CTNNA2: variants seen among roughly 807,000 people sequenced by gnomAD.
CTNNA2 encodes the protein catenin alpha 2.
Under a neutral mutation model 101.0 loss-of-function variants are expected in CTNNA2, and 42 were observed. The observed-to-expected ratio is 0.42, with a 90% CI of 0.32 to 0.54. The LOEUF is 0.54. Among genes scored for constraint, CTNNA2 ranks in the 20% least tolerant of loss-of-function variants. The probability of loss-of-function intolerance (pLI) is 0.14; values close to 1 mark genes in which losing one functional copy is unlikely to be tolerated. For missense variants in CTNNA2, 871 were observed against 1,223.1 expected, an observed-to-expected ratio of 0.71 and a Z score of 4.29; for synonymous variants, 450 against 456.4, an observed-to-expected ratio of 0.99 and a Z score of 0.18.
chr2:79,201,884 A>T (rs1278220758), intron 2 of CTNNA2, among the ~76,000 whole-genome samples: 1 of 152,166 alleles, frequency 6.6e-6, no homozygotes, highest in African/African-American at 2.4e-5. Context: ...ATCCTGAGAC[A>T]TGTACCCAAG....
intron 3 of CTNNA2, among the ~76,000 whole-genome samples, chr2:79,747,825 A>G (rs1283596230): frequency 6.6e-6 from 1 of 152,186 alleles, no homozygotes; most frequent in Non-Finnish European, 1.5e-5. Context: ...CTTCTTACAA[A>G]ACAATTCTAT....
intron 7 of CTNNA2, among the ~76,000 whole-genome samples, chr2:80,126,459 T>TTCTC (rs61295855): frequency 1.1e-4 from 17 of 148,144 alleles, no homozygotes; most frequent in African/African-American, 3.9e-4. Context: ...ACTCCTACCA[T>TTCTC]TCTCTCTCTC....
At chr2:80,038,763 T>C (rs996487162) in intron 7 of CTNNA2, among the ~76,000 whole-genome samples, 5 of 152,156 alleles carry the variant, frequency 3.3e-5, no homozygotes, top group Non-Finnish European at 7.4e-5. Context: ...CAAGAATTGC[T>C]TGAACCCAGG....
intron 7 of CTNNA2, chr2:80,028,038 A>G (rs1018104117): frequency 1.3e-5 from 2 of 151,914 alleles, no homozygotes; most frequent in African/African-American, 4.8e-5. Flanking sequence ...TTATTTAGTA[A>G]CTTCATGTAA....
intron 2 of CTNNA2, chr2:79,687,802 A>C (rs77820778): frequency 0.02 from 9,588 of 468,584 alleles, 327 homozygotes; most frequent in East Asian, 0.1. Context: ...GGCGCCAAAA[A>C]TGGATTTCAC....
intron 7 of CTNNA2, among the ~76,000 whole-genome samples, chr2:79,974,223 G>A (rs1690683673): frequency 6.6e-6 from 1 of 152,092 alleles, no homozygotes; most frequent in Non-Finnish European, 1.5e-5. Flanking sequence ...GTAAAATGGG[G>A]ATAATAATAG....
At chr2:79,682,703 A>T (rs1683663433) in intron 2 of CTNNA2, among the ~76,000 whole-genome samples, 1 of 152,182 alleles carries the variant, frequency 6.6e-6, no homozygotes, top group Admixed American at 6.5e-5. Flanking sequence ...AAAAATTTTA[A>T]ATGGAGCTTA....
chr2:80,439,626 C>T (rs1455701628), intron 9 of CTNNA2, among the ~76,000 whole-genome samples: 1 of 152,194 alleles, frequency 6.6e-6, no homozygotes, highest in Non-Finnish European at 1.5e-5. Flanking sequence ...GTCTTGAATT[C>T]CTGGCCTCAG....
chr2:80,562,405 A>G (rs1693687163), intron 12 of CTNNA2, among the ~76,000 whole-genome samples: 1 of 152,202 alleles, frequency 6.6e-6, no homozygotes, highest in African/African-American at 2.4e-5. Flanking sequence ...ATGCAAATTA[A>G]AAACTACGCT....
At chr2:79,756,549 A>G (rs545950103) in intron 3 of CTNNA2, among the ~76,000 whole-genome samples, 1 of 152,334 alleles carries the variant, frequency 6.6e-6, no homozygotes, top group Non-Finnish European at 1.5e-5. Flanking sequence ...CAAAAGCATG[A>G]TTCATGAAAA....
At chr2:79,975,918 C>T (rs544772797) in intron 7 of CTNNA2, among the ~76,000 whole-genome samples, 7 of 152,240 alleles carry the variant, frequency 4.6e-5, no homozygotes, top group African/African-American at 1.7e-4. Flanking sequence ...AACCATTGGC[C>T]GTTAGTGAGG....
chr2:80,006,256 T>G (rs998983102), intron 7 of CTNNA2, among the ~76,000 whole-genome samples: 1 of 152,054 alleles, frequency 6.6e-6, no homozygotes, highest in African/African-American at 2.4e-5. Flanking sequence ...ATATGCATAT[T>G]TGCAGAAAGT....
intron 7 of CTNNA2, among the ~76,000 whole-genome samples, chr2:80,246,470 G>A (rs1009177995): frequency 2.0e-5 from 3 of 152,148 alleles, no homozygotes; most frequent in African/African-American, 7.2e-5. Context: ...CAAATGAATT[G>A]GGCATAACTT....
chr2:80,396,839 C>A (rs992159018), intron 8 of CTNNA2, among the ~76,000 whole-genome samples: 3 of 152,200 alleles, frequency 2.0e-5, no homozygotes, highest in African/African-American at 7.2e-5. Flanking sequence ...TTCCTTCACC[C>A]TTACTAGCCA....
chr2:79,882,982 A>G lies in CTNNA2; in HGVS notation c.852+8640A>G, dbSNP rs1287418626. Among the ~76,000 whole-genome samples, 3 of 152,076 alleles carry G rather than the reference A, an allele frequency of 2.0e-5. No individual in the cohort carries two copies. In the East Asian group the frequency reaches 5.8e-4, roughly 29 times the overall value. ...ATGTGGCTCTGAGGTGGGCCGCACC[A>G]CCCTGCTCTTCCTCTCCGTGGATCA... On this transcript the variant is annotated intron_variant, in intron 6 of 18. Coordinates refer to ENST00000402739, the MANE Select transcript of CTNNA2 (RefSeq NM_001282597.3).
chr2:80,315,171 T>C (rs1416929256), intron 7 of CTNNA2, among the ~76,000 whole-genome samples: 1 of 152,116 alleles, frequency 6.6e-6, no homozygotes, highest in Non-Finnish European at 1.5e-5. Context: ...TAAGCACAAA[T>C]TGCATTGTGC....
chr2:80,537,803 G>A (rs1448055556), intron 9 of CTNNA2, among the ~76,000 whole-genome samples: 1 of 151,976 alleles, frequency 6.6e-6, no homozygotes, highest in Admixed American at 6.6e-5. Context: ...ATGTTGGTCA[G>A]GCTGTTCTCG....
chr2:79,597,359 C>G (rs1192622246), intron 1 of CTNNA2, among the ~76,000 whole-genome samples: 1 of 151,780 alleles, frequency 6.6e-6, no homozygotes. Flanking sequence ...GTAGTCCCAG[C>G]TACTCCGGAG....
chr2:80,550,574 T>C (rs959884704), intron 11 of CTNNA2, among the ~76,000 whole-genome samples: 6 of 152,246 alleles, frequency 3.9e-5, no homozygotes, highest in Non-Finnish European at 8.8e-5. Context: ...TATAATATTT[T>C]AAATCCTTTG....
Sources: allele counts gnomAD v4.1 joint callset (sites outside exome capture counted in the v4.1 genomes callset), GRCh38; gene constraint gnomAD v4.1.1; transcripts MANE v1.5; gene names NCBI Gene and HGNC (gene_info 2026-07-23, HGNC 2026-07-21).